The following KLF13 variants were observed in gnomAD, a reference collection of about 807,000 sequenced individuals.
The protein encoded by KLF13 is Krueppel-like factor 13.
KLF13 carries 8 observed loss-of-function variants against 16.7 expected under a neutral mutation model. That is an observed-to-expected ratio of 0.48 (90% CI 0.28 to 0.87). The LOEUF (loss-of-function observed/expected upper bound fraction) is 0.87. Ranked by LOEUF, KLF13 falls within the 40% of genes least tolerant of loss-of-function variation. KLF13 has a pLI of 0.10. For synonymous variants in KLF13, 245 were observed against 208.4 expected (o/e 1.18, Z -1.51); for missense variants, 447 against 452.2 (o/e 0.99, Z 0.10).
chr15:31,356,142 A>T (rs1010520980), intron 1 of KLF13, among the ~76,000 whole-genome samples: 4 of 152,324 alleles, frequency 2.6e-5, no homozygotes, highest in African/African-American at 9.6e-5. Context: ...TGATAAACAT[A>T]GTACCCGATA....
chr15:31,327,666 C>A lies in KLF13; in HGVS notation c.454C>A (p.Arg152=), dbSNP rs1015033557. 9 of 1,502,234 alleles carry A rather than the reference C, an allele frequency of 6.0e-6. No homozygotes were observed. The African/African-American group carries it at 1.3e-4, about 22-fold the overall frequency. The allele number at this position is 1,502,234 out of a possible 1,614,324, so 93.1% of individuals were successfully genotyped here. A position where few individuals can be genotyped will look rare whatever the true frequency, so the allele number is the denominator to read the frequency against. ...CGAGCCCGGCCTCAGACAAAGGGTC[C>A]GGCGGGGCCGAAGTCGCGCCGACCT... is the stretch of plus-strand genomic sequence containing the variant. ...SGEPGLRQRV[R]RGRSRADLES... is the part of the protein sequence containing the mutation. The change falls in exon 1 of 2, where the codon CGG becomes AGG. Residue 152 remains arginine, a synonymous_variant. Coordinates refer to ENST00000307145, the MANE Select transcript of KLF13 (RefSeq NM_015995.4).
At chr15:31,343,897 C>T (rs1444306035) in intron 1 of KLF13, among the ~76,000 whole-genome samples, 1 of 152,160 alleles carries the variant, frequency 6.6e-6, no homozygotes, top group Non-Finnish European at 1.5e-5. Context: ...TCTCCTGTCC[C>T]CACCCATACT....
intron 1 of KLF13, among the ~76,000 whole-genome samples, chr15:31,425,548 A>G (rs2040390536): frequency 6.6e-6 from 1 of 152,216 alleles, no homozygotes. Context: ...TACCAATGCC[A>G]GTGTGGAAGA....
chr15:31,384,832 T>C lies in KLF13; in HGVS notation n.224-50538T>C, dbSNP rs117452997. ...ATGCTGCACCACAAAAGCAAGCTGC[T>C]AAAGGAGCACCAAACACACCAAGCA... On this transcript the variant is annotated intron_variant and non_coding_transcript_variant, in intron 1 of 1. Transcript: ENST00000558921. 3.3e-5 allele frequency among the ~76,000 whole-genome samples: 5 copies of C among 152,280 alleles called. No individual in the cohort carries two copies. The East Asian group carries it at 9.7e-4, about 29-fold the overall frequency.
At chr15:31,362,921 C>G (rs945483640) in intron 1 of KLF13, among the ~76,000 whole-genome samples, 1 of 152,176 alleles carries the variant, frequency 6.6e-6, no homozygotes, top group Non-Finnish European at 1.5e-5. Context: ...TATGTGCGTT[C>G]CATAATTTAT....
At chr15:31,422,725 A>C (rs1287553309) in intron 1 of KLF13, among the ~76,000 whole-genome samples, 2 of 152,172 alleles carry the variant, frequency 1.3e-5, no homozygotes, top group African/African-American at 4.8e-5. Context: ...ACAAAAATGA[A>C]CATATAACAA....
At chr15:31,342,474 C>T (rs929529174) in intron 1 of KLF13, among the ~76,000 whole-genome samples, 12 of 152,188 alleles carry the variant, frequency 7.9e-5, no homozygotes, top group Non-Finnish European at 1.6e-4. Context: ...ATCCTGTTTG[C>T]AGCAAAACTT....
chr15:31,357,212 C>T (rs2039313404), intron 1 of KLF13, among the ~76,000 whole-genome samples: 1 of 152,176 alleles, frequency 6.6e-6, no homozygotes, highest in African/African-American at 2.4e-5. Context: ...CTTTTAAAGG[C>T]ACATGCGGTT....
At chr15:31,399,399 A>G (rs2040001821) in intron 2 of KLF13, among the ~76,000 whole-genome samples, 1 of 152,144 alleles carries the variant, frequency 6.6e-6, no homozygotes, top group Non-Finnish European at 1.5e-5. Context: ...TCCTGACCTC[A>G]GGTGATCCAC....
At chr15:31,354,274 G>T (rs1042037146) in intron 1 of KLF13, among the ~76,000 whole-genome samples, 10 of 152,398 alleles carry the variant, frequency 6.6e-5, no homozygotes, top group South Asian at 4.1e-4. Flanking sequence ...TGGTGAGCAG[G>T]CCTGGGGAGA....
intron 1 of KLF13, among the ~76,000 whole-genome samples, chr15:31,333,954 G>A (rs551624189): frequency 1.1e-5 from 1 of 89,248 alleles, no homozygotes; most frequent in Admixed American, 1.3e-4. Context: ...TCGCCTCATG[G>A]GGGGGGGAGG....
intron 2 of KLF13, among the ~76,000 whole-genome samples, chr15:31,396,700 A>G (rs1195216331): frequency 6.6e-6 from 1 of 152,182 alleles, no homozygotes; most frequent in Non-Finnish European, 1.5e-5. Flanking sequence ...TACAATAGTG[A>G]TGTTATCCCC....
intron 1 of KLF13, among the ~76,000 whole-genome samples, chr15:31,331,196 A>G (rs1319880928): frequency 6.6e-6 from 1 of 152,196 alleles, no homozygotes; most frequent in African/African-American, 2.4e-5. Flanking sequence ...ATCTCTCTGC[A>G]TGCTGGGCCC....
intron 1 of KLF13, among the ~76,000 whole-genome samples, chr15:31,423,183 A>C: frequency 7.0e-6 from 1 of 141,956 alleles, no homozygotes. Flanking sequence ...ATACATATAT[A>C]CGTATATATA....
At chr15:31,338,578 C>T (rs1045008035) in intron 1 of KLF13, among the ~76,000 whole-genome samples, 3 of 152,238 alleles carry the variant, frequency 2.0e-5, no homozygotes, top group East Asian at 1.9e-4. Flanking sequence ...CGTGCCCAGC[C>T]GTGGCTGTGT....
At chr15:31,355,009 A>C (rs1211113216) in intron 1 of KLF13, among the ~76,000 whole-genome samples, 3 of 151,698 alleles carry the variant, frequency 2.0e-5, no homozygotes, top group Non-Finnish European at 4.4e-5. Context: ...CAGCCCTAAA[A>C]CCCCCGGGCT....
chr15:31,434,447 C>T lies in KLF13; in HGVS notation n.118-923C>T, dbSNP rs561763079. 9.9e-5 allele frequency among the ~76,000 whole-genome samples: 15 copies of T among 152,164 alleles called. No individual in the cohort carries two copies. In the South Asian group the frequency reaches 2.9e-3, roughly 29 times the overall value. On this transcript the variant is annotated intron_variant and non_coding_transcript_variant, in intron 1 of 1. Transcript: ENST00000558225. ...CCAACAGTACCCCCCAAGGGAGGTT[C>T]GAATCAGGTGCTTGCCCCCAGTTGA... is the stretch of plus-strand genomic sequence containing the variant.
At position 31,374,699 on chromosome 15, in the gene KLF13, C is replaced by T. The variant is rs2039615601; in HGVS notation, c.*2400C>T. 1 of 152,324 alleles carries T rather than the reference C, an allele frequency of 6.6e-6. No homozygotes were observed. Among genetic ancestry groups the T allele is most frequent in the African/African-American group, 2.4e-5 (1 of 41,374 alleles). 9.4% of individuals were successfully genotyped at this position (152,324 alleles called of 1,614,324 possible). Reference sequence around the variant, plus strand: ...CCCTGGGAGGCTGGCAAAGTGCTCTCCAGGGAGGGGTCAGACGTCCTTGTG... The same window carrying T: ...CCCTGGGAGGCTGGCAAAGTGCTCTTCAGGGAGGGGTCAGACGTCCTTGTG... On this transcript the variant is annotated 3_prime_UTR_variant, in exon 2 of 2. Coordinates refer to ENST00000307145, the MANE Select transcript of KLF13 (RefSeq NM_015995.4).
chr15:31,378,705 T>G (rs148365873), downstream of KLF13, among the ~76,000 whole-genome samples: 1 of 152,256 alleles, frequency 6.6e-6, no homozygotes, highest in Non-Finnish European at 1.5e-5. Context: ...CTACCTGTTC[T>G]TTTTCTTTTT....
Sources: allele counts gnomAD v4.1 joint callset (sites outside exome capture counted in the v4.1 genomes callset), GRCh38; gene constraint gnomAD v4.1.1; transcripts MANE v1.5; gene names NCBI Gene and HGNC (gene_info 2026-07-23, HGNC 2026-07-21).